SCN11A: variants seen among roughly 807,000 people sequenced by gnomAD.
The protein encoded by SCN11A is sodium channel protein type 11 subunit alpha.
A neutral mutation model predicts 162.2 loss-of-function variants in SCN11A; 122 were observed. The observed-to-expected ratio is 0.75, with a 90% CI of 0.65 to 0.87. SCN11A has a LOEUF of 0.87. Ranked by LOEUF, SCN11A falls within the 40% of genes least tolerant of loss-of-function variation. SCN11A has a pLI of 0.00. For missense variants in SCN11A, 2,015 were observed against 2,181.6 expected (o/e 0.92, Z 1.52); for synonymous variants, 758 against 751.5 (o/e 1.01, Z -0.14).
intron 2 of SCN11A, among the ~76,000 whole-genome samples, chr3:39,008,789 A>G (rs1046960504): frequency 1.4e-4 from 22 of 152,190 alleles, no homozygotes; most frequent in South Asian, 4.2e-4. Context: ...AGGCTGAGAC[A>G]GGAGAATAAT....
At chr3:39,031,250 G>C (rs2031742243) in intron 2 of SCN11A, among the ~76,000 whole-genome samples, 2 of 152,134 alleles carry the variant, frequency 1.3e-5, no homozygotes, top group Admixed American at 1.3e-4. Context: ...GGCCAGGCAC[G>C]GTGGCTCTCG....
chr3:38,910,452 T>C (rs1306284110), intron 11 of SCN11A, among the ~76,000 whole-genome samples: 1 of 152,240 alleles, frequency 6.6e-6, no homozygotes, highest in Non-Finnish European at 1.5e-5. Context: ...GAACAATGAA[T>C]AGTATAAAAG....
intron 2 of SCN11A, among the ~76,000 whole-genome samples, chr3:38,979,734 A>C (rs1205348340): frequency 2.0e-5 from 3 of 152,248 alleles, no homozygotes; most frequent in Non-Finnish European, 4.4e-5. Context: ...TGTCCCTGGC[A>C]TCTCAACCAT....
chr3:39,048,944 G>C (rs1373949462), intron 1 of SCN11A, among the ~76,000 whole-genome samples: 1 of 152,216 alleles, frequency 6.6e-6, no homozygotes, highest in Non-Finnish European at 1.5e-5. Context: ...TGTGAGAGAA[G>C]GGGTCTTCAG....
At position 38,903,407 on chromosome 3, in the gene SCN11A, C is replaced by G. The variant is rs138286133; in HGVS notation, c.1842+458G>C. 8.9e-4 allele frequency among the ~76,000 whole-genome samples: 136 copies of G among 152,268 alleles called. 1 individual carries two copies. Among genetic ancestry groups the G allele is most frequent in the African/African-American group, 3.2e-3 (134 of 41,552 alleles). ...CCAGCCTGACCAACCCCCAAACAAC[C>G]CCTTCCAAAAAAGTGAAACTTCCAC... On this transcript the variant is annotated intron_variant, in intron 16 of 29. Coordinates refer to ENST00000302328, the MANE Select transcript of SCN11A (RefSeq NM_001349253.2).
chr3:39,034,368 T>C (rs1200335904), intron 1 of SCN11A, among the ~76,000 whole-genome samples: 3 of 152,172 alleles, frequency 2.0e-5, no homozygotes, highest in African/African-American at 7.2e-5. Flanking sequence ...ATCATTTCAA[T>C]TGATGCTGAG....
intron 1 of SCN11A, among the ~76,000 whole-genome samples, 151 bp from the exon 2 acceptor site, chr3:39,032,654 A>C (rs1476787584): frequency 6.6e-6 from 1 of 152,198 alleles, no homozygotes; most frequent in Non-Finnish European, 1.5e-5. Flanking sequence ...TATTACATAA[A>C]ACTTATGAGA....
chr3:38,949,370 C>T (rs577025738), intron 5 of SCN11A, among the ~76,000 whole-genome samples: 2 of 152,322 alleles, frequency 1.3e-5, no homozygotes, highest in Admixed American at 6.5e-5. Context: ...CTAGAATTTC[C>T]CTGCAAGAAC....
Position 38,950,242 on chromosome 3 carries a change from T to C in SCN11A, c.121A>G (p.Lys41Glu), listed in dbSNP as rs1305437844. ...TGGGGTACTTCTCCTGTCTGGTCTT[T>C]AGACTTCTTTTTCTCCTTTTGGATG... Reference protein sequence around the residue: ...IAIQKEKKKSKDQTGEVPQPR... With the variant: ...IAIQKEKKKSEDQTGEVPQPR... The change falls in exon 5 of 30, where the codon AAA becomes GAA. Residue 41 changes from lysine to glutamate, a missense_variant. Lys to Glu is a moderately conservative substitution (Grantham distance 56). Coordinates refer to ENST00000302328, the MANE Select transcript of SCN11A (RefSeq NM_001349253.2). 5.6e-6 allele frequency: 9 copies of C among 1,614,032 alleles called. No homozygotes were observed. The highest frequency in any genetic ancestry group is 3.3e-4 in the Middle Eastern group (2 of 6,062).
chr3:38,999,245 A>G (rs2030738365), intron 2 of SCN11A, among the ~76,000 whole-genome samples: 1 of 152,164 alleles, frequency 6.6e-6, no homozygotes, highest in African/African-American at 2.4e-5. Flanking sequence ...TTTACATGTA[A>G]CCACTTTTGA....
At chr3:38,994,961 C>A (rs902306196) in intron 2 of SCN11A, among the ~76,000 whole-genome samples, 6 of 152,050 alleles carry the variant, frequency 3.9e-5, no homozygotes, top group African/African-American at 1.4e-4. Flanking sequence ...GCCTCTCATT[C>A]TACCTCCCTA....
intron 1 of SCN11A, among the ~76,000 whole-genome samples, chr3:39,038,634 C>A (rs1294916792): frequency 6.6e-6 from 1 of 152,206 alleles, no homozygotes; most frequent in Admixed American, 6.5e-5. Context: ...TCATCAGTTA[C>A]CACATCCATC....
chr3:38,906,870 T>C (rs868546921), intron 14 of SCN11A, among the ~76,000 whole-genome samples: 4 of 152,156 alleles, frequency 2.6e-5, no homozygotes, highest in African/African-American at 7.2e-5. Context: ...CTGATCACTA[T>C]AGCCTTGTGC....
intron 2 of SCN11A, among the ~76,000 whole-genome samples, chr3:38,987,303 TCACA>T (rs57092499): frequency 0.011 from 1,165 of 104,424 alleles, 15 homozygotes; most frequent in Middle Eastern, 0.015. Flanking sequence ...TCTCTCTCTC[TCACA>T]CACACACACA....
chr3:39,000,985 C>T (rs764612175), intron 2 of SCN11A, among the ~76,000 whole-genome samples: 8 of 152,082 alleles, frequency 5.3e-5, no homozygotes, highest in Non-Finnish European at 1.2e-4. Context: ...TGCAGTGAGC[C>T]ATGATCATGC....
Position 38,885,351 on chromosome 3 carries a change from C to T in SCN11A, c.3001G>A (p.Asp1001Asn), listed in dbSNP as rs201571331. 6.2e-7 allele frequency: 1 copy of T among 1,613,740 alleles called. No homozygotes were observed. Among genetic ancestry groups the T allele is most frequent in the East Asian group, 2.2e-5 (1 of 44,882 alleles). Residue 1001 changes from aspartate to asparagine, a missense_variant, in exon 21 of 30, where the codon GAT (aspartate) becomes AAT (asparagine). Physicochemically the swap from Asp to Asn is conservative, Grantham distance 23. Transcript: ENST00000302328. ...ATCTCAGGTAACCATCCAAAGCCAT[C>T]CTGAAGATCAATGGTGCTACATTCT... ...LSECSTIDLQ[D>N]GFGWLPEMVP...
intron 2 of SCN11A, among the ~76,000 whole-genome samples, chr3:39,029,110 T>C (rs1259485547): frequency 6.6e-6 from 1 of 152,212 alleles, no homozygotes; most frequent in Non-Finnish European, 1.5e-5. Context: ...ACCTGTGTTT[T>C]TAAGTCAACT....
In SCN11A at chr3:38,879,903, T is replaced by A. The variant is rs767169649; in HGVS notation, c.3393+47A>T. ...AAGCAGCCTCCATATGATCCCTGCC[T>A]TAACCACTACCCCAGCCTGTGTGGG... On this transcript the variant is annotated intron_variant, in intron 23 of 29. Transcript: ENST00000302328. The A allele has an allele frequency of 4.6e-6, 7 of 1,537,978 alleles. No individual in the cohort carries two copies. In the South Asian group the frequency reaches 5.8e-5, roughly 13 times the overall value.
chr3:38,935,274 G>A (rs561866575), intron 7 of SCN11A, among the ~76,000 whole-genome samples: 43 of 151,858 alleles, frequency 2.8e-4, no homozygotes, highest in African/African-American at 1.0e-3. Flanking sequence ...AGAGAAAGCA[G>A]GAAAGATCCA....
Sources: allele counts gnomAD v4.1 joint callset (sites outside exome capture counted in the v4.1 genomes callset), GRCh38; gene constraint gnomAD v4.1.1; transcripts MANE v1.5; gene names NCBI Gene and HGNC (gene_info 2026-07-23, HGNC 2026-07-21).